Variants in GUCA1B observed in about 807,000 individuals in gnomAD.
GUCA1B encodes the protein guanylate cyclase activator 1B.
A neutral mutation model predicts 24.2 loss-of-function variants in GUCA1B; 22 were observed. That is an observed-to-expected ratio of 0.91 (90% CI 0.65 to 1.30). The LOEUF (loss-of-function observed/expected upper bound fraction) is 1.30, where lower values mean the gene tolerates loss of function less well. Among genes scored for constraint, GUCA1B ranks in the 50% most tolerant of loss-of-function variants. The pLI, the probability that GUCA1B is intolerant of heterozygous loss-of-function variation, is 0.00. For synonymous variants in GUCA1B, 100 were observed against 97.9 expected, an observed-to-expected ratio of 1.02 and a Z score of -0.13; for missense variants, 221 against 258.8, an observed-to-expected ratio of 0.85 and a Z score of 1.00.
chr6:42,194,703 G>A lies in GUCA1B; in HGVS notation c.118C>T (p.His40Tyr), dbSNP rs1768367720. The A allele has an allele frequency of 6.2e-7, 1 of 1,612,970 alleles. No homozygotes were observed. The highest frequency in any genetic ancestry group is 1.7e-5 in the Admixed American group (1 of 60,004). ...ACCTTGAAGAAGCGCTTAAACTCAT[G>A]CATAAAGAGTGTGCCGCTGGGGCAC... is the stretch of plus-strand genomic sequence containing the variant. The part of the protein sequence containing the change: ...MECPSGTLFM[H>Y]EFKRFFKVTD... The change falls in exon 1 of 4, where the codon CAT becomes TAT. Residue 40 changes from histidine (H) to tyrosine (Y), a missense_variant. By Grantham distance (83) the His-to-Tyr change is moderately conservative. Transcript: ENST00000230361.
rs117959899 is a variant in GUCA1B, at chr6:42,194,710, G to T, written c.111C>A (p.Leu37=). Reference sequence around the variant, plus strand: ...AGAAGCGCTTAAACTCATGCATAAAGAGTGTGCCGCTGGGGCACTCCATCA... The same window carrying T: ...AGAAGCGCTTAAACTCATGCATAAATAGTGTGCCGCTGGGGCACTCCATCA... ...KFVMECPSGT[L]FMHEFKRFFK... The change falls in exon 1 of 4, where the codon CTC becomes CTA. Residue 37 remains leucine (L), a synonymous_variant. Coordinates refer to ENST00000230361, the MANE Select transcript of GUCA1B (RefSeq NM_002098.6). 1.4e-5 allele frequency: 22 copies of T among 1,613,384 alleles called. No homozygotes were observed. In the East Asian group the frequency reaches 4.9e-4, roughly 36 times the overall value.
At chr6:42,185,061 T>A (rs1768170872) in intron 3 of GUCA1B, 119 bp from the exon 4 acceptor site, 1 of 885,816 alleles carries the variant, frequency 1.1e-6, no homozygotes, top group Non-Finnish European at 1.8e-6. Flanking sequence ...TATCCTGCAG[T>A]CTCAGACCTC....
intron 3 of GUCA1B, 111 bp downstream of exon 3, chr6:42,185,569 C>G (rs971530169): frequency 1.4e-6 from 1 of 725,950 alleles, no homozygotes; most frequent in African/African-American, 1.7e-5. Context: ...AGCCTTCTCA[C>G]AGATGAGGAC....
chr6:42,193,483 T>A (rs1413523328), intron 1 of GUCA1B, among the ~76,000 whole-genome samples: 1 of 152,254 alleles, frequency 6.6e-6, no homozygotes, highest in Non-Finnish European at 1.5e-5. Context: ...TTCATTCCCT[T>A]TTGCCCAGCT....
chr6:42,194,850 G>T lies in GUCA1B; in HGVS notation c.-30C>A, dbSNP rs1043020692. ...GCCCTGAGGAGCATCAGGGAGCAAG[G>T]GTCTGTATCTCCTCCCTGGCTTCTG... On this transcript the variant is annotated 5_prime_UTR_variant, in exon 1 of 4. Coordinates refer to ENST00000230361, the MANE Select transcript of GUCA1B (RefSeq NM_002098.6). The T allele has an allele frequency of 1.4e-6, 2 of 1,472,282 alleles. No homozygotes were observed. Among genetic ancestry groups the T allele is most frequent in the African/African-American group, 1.4e-5 (1 of 71,436 alleles). The allele number at this position is 1,472,282 out of a possible 1,614,324, so 91.2% of individuals were successfully genotyped here.
rs1582331801 is a variant in GUCA1B, at chr6:42,188,483, G to C, written c.357+99C>G. The C allele has an allele frequency of 4.1e-6, 4 of 981,292 alleles. No homozygotes were observed. The East Asian group carries it at 7.3e-5, about 18-fold the overall frequency. 60.8% of individuals were successfully genotyped at this position (981,292 alleles called of 1,614,324 possible). ...GAAACACACTCAGAATGATTTCAAG[G>C]CCTCTTCTTCAGTCCCCGCTGGCCA... is the stretch of plus-strand genomic sequence containing the variant. On this transcript the variant is annotated intron_variant, in intron 2 of 3. Transcript: ENST00000230361.
chr6:42,188,790 T>G lies in GUCA1B; in HGVS notation c.208-59A>C, dbSNP rs935261354. 17 of 1,529,822 alleles carry G rather than the reference T, an allele frequency of 1.1e-5. No homozygotes were observed. The African/African-American group carries it at 1.9e-4, about 17-fold the overall frequency. 94.8% of individuals were successfully genotyped at this position (1,529,822 alleles called of 1,614,324 possible). On this transcript the variant is annotated intron_variant, in intron 1 of 3. Transcript: ENST00000230361. The stretch of plus-strand genomic sequence containing the variant: ...CCCACCTCCCCAGAGCATAGGCCAT[T>G]CATCCCTGCAAACACAGGGCTTCTC...
rs1768142124 is a variant in GUCA1B, at chr6:42,183,632, G to A, written c.*1183C>T. Among the ~76,000 whole-genome samples, 1 of 152,306 alleles carries A rather than the reference G, an allele frequency of 6.6e-6. No homozygotes were observed. Among genetic ancestry groups the A allele is most frequent in the Non-Finnish European group, 1.5e-5 (1 of 68,014 alleles). ...CTGCCAAGACATAACCAAGGTTAGG[G>A]AGGAGAAGTGGCTGTCTTGGGTCAC... On this transcript the variant is annotated 3_prime_UTR_variant, in exon 4 of 4. Transcript: ENST00000230361.
chr6:42,185,721 ACCT>A lies in GUCA1B; in HGVS notation c.431_433del (p.Glu144del). On this transcript the variant is annotated inframe_deletion, in exon 3 of 4. Transcript: ENST00000230361. ...CACCAGGAGGAAGATCCTGTCCACG[ACCT>A]CCTCGGGTGTGAGCAGCTGGCCTTG... 2 of 1,611,396 alleles carry A rather than the reference ACCT, an allele frequency of 1.2e-6. No homozygotes were observed. The highest frequency in any genetic ancestry group is 1.3e-5 in the African/African-American group (1 of 74,832).
rs117959899 is a variant in GUCA1B, at chr6:42,194,710, G to C, written c.111C>G (p.Leu37=). 1 of 1,613,384 alleles carries C rather than the reference G, an allele frequency of 6.2e-7. No individual in the cohort carries two copies. Among genetic ancestry groups the C allele is most frequent in the Non-Finnish European group, 8.5e-7 (1 of 1,179,326 alleles). The change falls in exon 1 of 4, where the codon CTC becomes CTG. Residue 37 remains leucine, a synonymous_variant. Coordinates refer to ENST00000230361, the MANE Select transcript of GUCA1B (RefSeq NM_002098.6). ...KFVMECPSGT[L]FMHEFKRFFK... ...AGAAGCGCTTAAACTCATGCATAAA[G>C]AGTGTGCCGCTGGGGCACTCCATCA...
At chr6:42,188,954 C>G (rs1180168161) in intron 1 of GUCA1B, among the ~76,000 whole-genome samples, 1 of 142,724 alleles carries the variant, frequency 7.0e-6, no homozygotes, top group Non-Finnish European at 1.5e-5. Context: ...TATCATCTGT[C>G]TATTTATTTT....
rs970558227 is a variant in GUCA1B, at chr6:42,194,690, C to A, written c.131G>T (p.Arg44Leu). The A allele has an allele frequency of 2.5e-6, 4 of 1,613,604 alleles. No individual in the cohort carries two copies. Among genetic ancestry groups the A allele is most frequent in the Non-Finnish European group, 3.4e-6 (4 of 1,179,654 alleles). ...CTCATCGTCTGTGACCTTGAAGAAG[C>A]GCTTAAACTCATGCATAAAGAGTGT... ...SGTLFMHEFK[R>L]FFKVTDDEEA... is the part of the protein sequence containing the mutation. Residue 44 changes from arginine to leucine, a missense_variant, in exon 1 of 4, where the codon CGC becomes CTC. Coordinates refer to ENST00000230361, the MANE Select transcript of GUCA1B (RefSeq NM_002098.6).
chr6:42,191,297 C>T (rs562485509), intron 1 of GUCA1B, among the ~76,000 whole-genome samples: 9 of 152,266 alleles, frequency 5.9e-5, no homozygotes, highest in East Asian at 1.9e-4. Context: ...AGGGCAACCA[C>T]GAGAGTTGCA....
intron 1 of GUCA1B, among the ~76,000 whole-genome samples, chr6:42,190,359 C>G (rs960967462): frequency 7.1e-5 from 6 of 84,004 alleles, no homozygotes; most frequent in African/African-American, 3.7e-4. Flanking sequence ...ATGTCAACTT[C>G]CATTTTTTTT....
chr6:42,185,230 C>G (rs1332297292), intron 3 of GUCA1B, among the ~76,000 whole-genome samples: 3 of 152,244 alleles, frequency 2.0e-5, no homozygotes, highest in Non-Finnish European at 2.9e-5. Flanking sequence ...GTATTCCAAG[C>G]CAGCTCTCTC....
rs1768144189 is a variant in GUCA1B, at chr6:42,183,727, CAG to C, written c.*1086_*1087del. 6.6e-6 allele frequency among the ~76,000 whole-genome samples: 1 copy of C among 152,096 alleles called. No individual in the cohort carries two copies. The highest frequency in any genetic ancestry group is 2.4e-5 in the African/African-American group (1 of 41,398). On this transcript the variant is annotated 3_prime_UTR_variant, in exon 4 of 4. Coordinates refer to ENST00000230361, the MANE Select transcript of GUCA1B (RefSeq NM_002098.6). Reference sequence around the variant, plus strand: ...TCCCCCAATTCTTGCCAGAGACAGACAGAAGTTTTCTCCATCCTTTAAAGAGA... The same window carrying C: ...TCCCCCAATTCTTGCCAGAGACAGACAAGTTTTCTCCATCCTTTAAAGAGA...
chr6:42,193,722 C>G (rs1291124824), intron 1 of GUCA1B, among the ~76,000 whole-genome samples: 4 of 152,178 alleles, frequency 2.6e-5, no homozygotes, highest in Non-Finnish European at 5.9e-5. Flanking sequence ...CTGACTGGTA[C>G]CAGCGACAGG....
chr6:42,189,785 T>A (rs929318599), intron 1 of GUCA1B, among the ~76,000 whole-genome samples: 3 of 152,210 alleles, frequency 2.0e-5, no homozygotes, highest in Non-Finnish European at 2.9e-5. Flanking sequence ...AAACAGTAAA[T>A]AAGAAAGAGG....
intron 2 of GUCA1B, among the ~76,000 whole-genome samples, chr6:42,187,923 T>C (rs189009247): frequency 9.5e-4 from 144 of 152,120 alleles, no homozygotes; most frequent in African/African-American, 3.3e-3. Flanking sequence ...CATAGCTTAC[T>C]GCAGCCTTCA....
Sources: gnomAD v4.1 joint callset for allele counts (sites outside exome capture counted in the v4.1 genomes callset) on GRCh38, gnomAD v4.1.1 for gene constraint, MANE v1.5 for transcripts, NCBI Gene and HGNC (gene_info 2026-07-23, HGNC 2026-07-21) for gene names.